The following NCAM1 variants were observed in gnomAD, a reference collection of about 807,000 sequenced individuals.
The protein encoded by NCAM1 is neural cell adhesion molecule 1.
A neutral mutation model predicts 109.8 loss-of-function variants in NCAM1; 14 were observed. That is an observed-to-expected ratio of 0.13 (90% CI 0.08 to 0.20). NCAM1 has a LOEUF of 0.20. NCAM1 is among the 10% of genes least tolerant of loss of function. The pLI, the probability that NCAM1 is intolerant of heterozygous loss-of-function variation, is 1.00. For synonymous variants in NCAM1, 418 were observed against 442.9 expected, an observed-to-expected ratio of 0.94 and a Z score of 0.70; for missense variants, 774 against 1,109.9, an observed-to-expected ratio of 0.70 and a Z score of 4.30.
At chr11:113,221,203 T>C in intron 8 of NCAM1, 93 bp from the exon 9 acceptor site, 2 of 1,265,804 alleles carry the variant, frequency 1.6e-6, no homozygotes, top group East Asian at 2.6e-5. Flanking sequence ...AAAAGCTGCA[T>C]GTGCACGGAA....
intron 1 of NCAM1, among the ~76,000 whole-genome samples, chr11:113,063,959 A>G (rs1192597341): frequency 6.6e-6 from 1 of 152,228 alleles, no homozygotes; most frequent in Admixed American, 6.5e-5. Context: ...GTAAAGAGAT[A>G]ATGCAGTTTC....
chr11:113,140,821 A>T (rs1416950420), intron 1 of NCAM1, among the ~76,000 whole-genome samples: 2 of 152,214 alleles, frequency 1.3e-5, no homozygotes, highest in Non-Finnish European at 2.9e-5. Context: ...ATTAGCTAAT[A>T]CCTCAAGGCA....
At chr11:113,013,521 G>C (rs1423902809) in intron 1 of NCAM1, among the ~76,000 whole-genome samples, 2 of 151,892 alleles carry the variant, frequency 1.3e-5, no homozygotes, top group African/African-American at 4.8e-5. Flanking sequence ...TGTTATGTCT[G>C]GAATGGTGCC....
chr11:113,009,355 C>T (rs981165823), intron 1 of NCAM1, among the ~76,000 whole-genome samples: 2 of 106,872 alleles, frequency 1.9e-5, no homozygotes, highest in Non-Finnish European at 3.7e-5. Context: ...GAGATGGTCT[C>T]ACTCTGTCAC....
At chr11:112,969,977 G>GA (rs1321043941) in intron 1 of NCAM1, among the ~76,000 whole-genome samples, 1 of 151,986 alleles carries the variant, frequency 6.6e-6, no homozygotes, top group Non-Finnish European at 1.5e-5. Flanking sequence ...ATGTCTGGGG[G>GA]AAAAAAGAGG....
chr11:113,023,934 T>C lies in NCAM1; in HGVS notation c.52+62270T>C, dbSNP rs560911697. On this transcript the variant is annotated intron_variant, in intron 1 of 19. Coordinates refer to ENST00000316851, the MANE Select transcript of NCAM1 (RefSeq NM_181351.5). ...CTGCAAAAAAAAAAGGAAAAAAAAATGGTAAATCACAGACACAGGTTTGCA... is the reference window on the plus strand; with the variant it reads ...CTGCAAAAAAAAAAGGAAAAAAAAACGGTAAATCACAGACACAGGTTTGCA... Among the ~76,000 whole-genome samples the C allele has an allele frequency of 2.7e-5, 4 of 150,920 alleles. No homozygotes were observed. In the South Asian group the frequency reaches 8.3e-4, roughly 31 times the overall value.
intron 1 of NCAM1, among the ~76,000 whole-genome samples, chr11:112,993,019 G>T (rs1555070815): frequency 6.6e-6 from 1 of 152,104 alleles, no homozygotes; most frequent in Non-Finnish European, 1.5e-5. Context: ...TCCCAAAACA[G>T]GTCTGTCAGT....
chr11:113,009,318 T>TG (rs1951976037), intron 1 of NCAM1, among the ~76,000 whole-genome samples: 2 of 104,296 alleles, frequency 1.9e-5, no homozygotes, highest in Non-Finnish European at 3.8e-5. Context: ...TCGGGTTTTT[T>TG]TTTTTTTTTT....
chr11:113,134,115 T>C (rs576184533), intron 1 of NCAM1, among the ~76,000 whole-genome samples: 10 of 152,310 alleles, frequency 6.6e-5, no homozygotes, highest in African/African-American at 2.2e-4. Context: ...ACTGCAAGTC[T>C]ATACCCATTA....
chr11:112,985,191 T>C (rs1951265910), intron 1 of NCAM1, among the ~76,000 whole-genome samples: 2 of 151,908 alleles, frequency 1.3e-5, no homozygotes, highest in Admixed American at 1.3e-4. Flanking sequence ...ATAATGCATG[T>C]AATGCCACAT....
At chr11:113,139,248 A>G (rs10891512) in intron 1 of NCAM1, among the ~76,000 whole-genome samples, 18,864 of 152,212 alleles carry the variant, frequency 0.12, 1,289 homozygotes, top group East Asian at 0.26. Flanking sequence ...CAGATCTTTG[A>G]TATTTATTAT....
chr11:113,240,837 A>C (rs1555119007), intron 14 of NCAM1: 2 of 1,612,742 alleles, frequency 1.2e-6, no homozygotes, highest in Non-Finnish European at 1.7e-6. Flanking sequence ...CCAGATAGTG[A>C]GTATCATTTT....
chr11:113,173,912 G>C (rs1555106651), intron 1 of NCAM1, among the ~76,000 whole-genome samples: 1 of 151,892 alleles, frequency 6.6e-6, no homozygotes, highest in Non-Finnish European at 1.5e-5. Flanking sequence ...CTTCTAGCTA[G>C]CTCAATGCCA....
At chr11:113,242,339 G>T (rs1461467365) in intron 14 of NCAM1, among the ~76,000 whole-genome samples, 2 of 152,056 alleles carry the variant, frequency 1.3e-5, no homozygotes, top group South Asian at 2.1e-4. Context: ...GTATATTAAG[G>T]CCCAGCATGG....
chr11:113,262,741 T>C (rs1293422839), intron 17 of NCAM1: 2 of 1,260,794 alleles, frequency 1.6e-6, no homozygotes, highest in Non-Finnish European at 2.2e-6. Context: ...TTCCTGTGTC[T>C]GTCGTCACAC....
intron 1 of NCAM1, among the ~76,000 whole-genome samples, chr11:112,981,549 T>C (rs1951155318): frequency 1.3e-5 from 2 of 151,888 alleles, no homozygotes; most frequent in Admixed American, 6.6e-5. Flanking sequence ...CCCCATAGAA[T>C]ACTGAATATC....
At chr11:113,202,575 C>T (rs1944101828) in intron 2 of NCAM1, 122 bp downstream of exon 2, 5 of 831,208 alleles carry the variant, frequency 6.0e-6, no homozygotes, top group Non-Finnish European at 7.3e-6. Flanking sequence ...TGGCATTGCT[C>T]TATTACAGGG....
chr11:113,084,117 A>G (rs965415776), intron 1 of NCAM1, among the ~76,000 whole-genome samples: 1 of 152,092 alleles, frequency 6.6e-6, no homozygotes, highest in Admixed American at 6.5e-5. Flanking sequence ...CCAAAGACAA[A>G]CTGTCTCAAT....
At chr11:113,029,633 C>G (rs2135330377) in intron 1 of NCAM1, among the ~76,000 whole-genome samples, 1 of 152,232 alleles carries the variant, frequency 6.6e-6, no homozygotes, top group East Asian at 1.9e-4. Context: ...AAGAAATATC[C>G]ATTTAAATAA....
Sources: gnomAD v4.1 joint callset for allele counts (sites outside exome capture counted in the v4.1 genomes callset) on GRCh38, gnomAD v4.1.1 for gene constraint, MANE v1.5 for transcripts, NCBI Gene and HGNC (gene_info 2026-07-23, HGNC 2026-07-21) for gene names.